The following SLC35F3 variants were observed in gnomAD, a reference collection of about 807,000 sequenced individuals.
SLC35F3 encodes solute carrier family 35 member F3, also known as putative thiamine transporter SLC35F3.
A neutral mutation model predicts 49.9 loss-of-function variants in SLC35F3; 25 were observed. That is an observed-to-expected ratio of 0.50 (90% CI 0.37 to 0.70). SLC35F3 has a LOEUF of 0.70. Among genes scored for constraint, SLC35F3 ranks in the 30% least tolerant of loss-of-function variants. The pLI is 0.00. For missense variants in SLC35F3, 525 were observed against 639.8 expected, an observed-to-expected ratio of 0.82 and a Z score of 1.94; for synonymous variants, 275 against 265.4, an observed-to-expected ratio of 1.04 and a Z score of -0.35.
intron 2 of SLC35F3, among the ~76,000 whole-genome samples, chr1:233,918,730 C>T (rs1311335271): frequency 2.0e-5 from 3 of 152,078 alleles, no homozygotes; most frequent in African/African-American, 4.8e-5. Context: ...TCATACCATG[C>T]ACTCCAGCCT....
At chr1:233,938,948 A>G (rs984431308) in intron 2 of SLC35F3, among the ~76,000 whole-genome samples, 2 of 152,190 alleles carry the variant, frequency 1.3e-5, no homozygotes. Context: ...CGGCTTAACT[A>G]TTAGTAGATT....
At chr1:234,158,864 A>C (rs534506701) in intron 2 of SLC35F3, among the ~76,000 whole-genome samples, 16 of 152,350 alleles carry the variant, frequency 1.1e-4, no homozygotes, top group African/African-American at 3.4e-4. Context: ...AAGATATTAG[A>C]AAAGAACCCT....
intron 3 of SLC35F3, among the ~76,000 whole-genome samples, chr1:234,308,848 G>A (rs1328287520): frequency 6.6e-6 from 1 of 151,914 alleles, no homozygotes; most frequent in Non-Finnish European, 1.5e-5. Context: ...CTTCTGTATA[G>A]AACCATAAAT....
At chr1:233,996,813 A>G (rs571572007) in intron 2 of SLC35F3, among the ~76,000 whole-genome samples, 23 of 152,178 alleles carry the variant, frequency 1.5e-4, no homozygotes, top group Non-Finnish European at 8.8e-5. Flanking sequence ...CCCATTTTAA[A>G]AAGTGAGAAA....
intron 2 of SLC35F3, among the ~76,000 whole-genome samples, chr1:234,205,079 T>G (rs1177236522): frequency 6.6e-6 from 1 of 152,238 alleles, no homozygotes; most frequent in Non-Finnish European, 1.5e-5. Context: ...CCACCCTCAG[T>G]GCTTGTTGGT....
chr1:233,951,674 G>A (rs539279848), intron 2 of SLC35F3, among the ~76,000 whole-genome samples: 12 of 151,984 alleles, frequency 7.9e-5, no homozygotes, highest in Non-Finnish European at 1.3e-4. Context: ...TTTCTCCTGG[G>A]ATATTTTGTA....
At chr1:234,177,176 C>T (rs886490568) in intron 2 of SLC35F3, among the ~76,000 whole-genome samples, 1 of 152,206 alleles carries the variant, frequency 6.6e-6, no homozygotes, top group African/African-American at 2.4e-5. Flanking sequence ...AGTGCTCTCT[C>T]TTTGCCTGCT....
chr1:234,251,293 A>G (rs1223320390), intron 3 of SLC35F3, among the ~76,000 whole-genome samples: 1 of 152,156 alleles, frequency 6.6e-6, no homozygotes, highest in Non-Finnish European at 1.5e-5. Context: ...AAGGGAAAGT[A>G]ACCATGGCAT....
chr1:233,965,613 G>A (rs1197315162), intron 2 of SLC35F3, among the ~76,000 whole-genome samples: 1 of 152,134 alleles, frequency 6.6e-6, no homozygotes, highest in Non-Finnish European at 1.5e-5. Context: ...TCAGAAAGAA[G>A]CCAAGGGCCT....
rs974142807 is a variant in SLC35F3, at chr1:234,125,323, C to T, written c.284-106094C>T. The stretch of plus-strand genomic sequence containing the variant: ...TTAACAACAACATAAGCTTGTTTCT[C>T]ACTTAAGCTCCATGTCCATTTTGAA... On this transcript the variant is annotated intron_variant, in intron 2 of 7. Coordinates refer to ENST00000366618, the MANE Select transcript of SLC35F3 (RefSeq NM_173508.4). Among the ~76,000 whole-genome samples, 5 of 152,196 alleles carry T rather than the reference C, an allele frequency of 3.3e-5. 1 individual carries two copies. The highest frequency in any genetic ancestry group is 7.3e-5 in the Non-Finnish European group (5 of 68,040).
At chr1:234,115,949 A>T (rs910852157) in intron 2 of SLC35F3, among the ~76,000 whole-genome samples, 1 of 152,166 alleles carries the variant, frequency 6.6e-6, no homozygotes. Flanking sequence ...AACGTCAATA[A>T]TTAAGGGGAA....
intron 2 of SLC35F3, among the ~76,000 whole-genome samples, chr1:234,174,887 AG>A (rs1312912551): frequency 6.6e-6 from 1 of 152,210 alleles, no homozygotes; most frequent in Non-Finnish European, 1.5e-5. Flanking sequence ...CAAGGGACCA[AG>A]GGAATGTTAG....
chr1:234,029,034 T>A (rs1664019220), intron 2 of SLC35F3, among the ~76,000 whole-genome samples: 1 of 152,236 alleles, frequency 6.6e-6, no homozygotes, highest in Non-Finnish European at 1.5e-5. Flanking sequence ...TTATGATACA[T>A]TGCTCCTGAA....
chr1:234,090,928 G>A (rs1187055199), intron 2 of SLC35F3, among the ~76,000 whole-genome samples: 2 of 152,170 alleles, frequency 1.3e-5, no homozygotes, highest in Non-Finnish European at 2.9e-5. Flanking sequence ...GCTCAATCTG[G>A]TTAGCCCTCC....
At chr1:234,041,111 A>G (rs1370323134) in intron 2 of SLC35F3, among the ~76,000 whole-genome samples, 1 of 152,186 alleles carries the variant, frequency 6.6e-6, no homozygotes, top group East Asian at 1.9e-4. Context: ...TAATGATGTC[A>G]TCAACATCAT....
intron 3 of SLC35F3, among the ~76,000 whole-genome samples, chr1:234,264,900 C>A (rs771356738): frequency 1.3e-5 from 2 of 152,192 alleles, no homozygotes; most frequent in Admixed American, 6.5e-5. Context: ...TTATTGTTTA[C>A]CTGGGACACT....
chr1:234,145,600 T>C (rs971914820), intron 2 of SLC35F3, among the ~76,000 whole-genome samples: 3 of 152,212 alleles, frequency 2.0e-5, no homozygotes, highest in African/African-American at 7.2e-5. Context: ...TGTCTCTATA[T>C]TGAACCTGTA....
At position 234,323,498 on chromosome 1, in the gene SLC35F3, C is replaced by T; in HGVS notation, c.*255C>T. 3.9e-6 allele frequency: 2 copies of T among 508,604 alleles called. No individual in the cohort carries two copies. The highest frequency in any genetic ancestry group is 7.0e-6 in the Non-Finnish European group (2 of 284,438). The allele number at this position is 508,604 out of a possible 1,614,324, so 31.5% of individuals were successfully genotyped here. A position where few individuals can be genotyped will look rare whatever the true frequency, so the allele number is the denominator to read the frequency against. On this transcript the variant is annotated 3_prime_UTR_variant, in exon 8 of 8. Coordinates refer to ENST00000366618, the MANE Select transcript of SLC35F3 (RefSeq NM_173508.4). This position sits in a 1 kb window ranked among gnomAD's most constrained non-coding sequence, Gnocchi z 4.5. ...GAATGTAAAGTGGGTTTAAAAGTTCCCTGCGTAGATCGTTTTGGATGGCTG... is the reference window on the plus strand; with the variant it reads ...GAATGTAAAGTGGGTTTAAAAGTTCTCTGCGTAGATCGTTTTGGATGGCTG...
chr1:234,064,278 G>A (rs983963977), intron 2 of SLC35F3, among the ~76,000 whole-genome samples: 1 of 152,122 alleles, frequency 6.6e-6, no homozygotes, highest in Non-Finnish European at 1.5e-5. Flanking sequence ...CCTTTTGACT[G>A]GGAAATGGGC....
Sources: allele counts gnomAD v4.1 joint callset (sites outside exome capture counted in the v4.1 genomes callset), GRCh38; gene constraint gnomAD v4.1.1; non-coding constraint Gnocchi (gnomAD v3.1); transcripts MANE v1.5; gene names NCBI Gene and HGNC (gene_info 2026-07-23, HGNC 2026-07-21).